DAGLB: variants seen among roughly 807,000 people sequenced by gnomAD.
The protein encoded by DAGLB is diacylglycerol lipase beta.
DAGLB carries 66 observed loss-of-function variants against 72.1 expected under a neutral mutation model. That is an observed-to-expected ratio of 0.92 (90% confidence interval 0.75 to 1.12). The LOEUF is 1.12. DAGLB is among the 50% of genes most tolerant of loss of function. The pLI is 0.00. For missense variants in DAGLB, 1,065 were observed against 884.9 expected (o/e 1.20, Z -2.58); for synonymous variants, 414 against 359.5 (o/e 1.15, Z -1.71).
At chr7:6,413,340 T>C (rs895716242) in intron 11 of DAGLB, among the ~76,000 whole-genome samples, 2 of 152,132 alleles carry the variant, frequency 1.3e-5, no homozygotes, top group African/African-American at 4.8e-5. Context: ...CCATCAAAGA[T>C]GCACTGGAGG....
intron 9 of DAGLB, among the ~76,000 whole-genome samples, chr7:6,420,953 C>G (rs1176457762): frequency 3.3e-5 from 5 of 152,216 alleles, no homozygotes; most frequent in Admixed American, 3.3e-4. Context: ...GGTGCGCACT[C>G]TCTGCTGCTC....
Position 6,409,977 on chromosome 7 carries a change from T to A in DAGLB, c.1879A>T (p.Ser627Cys), listed in dbSNP as rs199735881. Residue 627 changes from serine (S) to cysteine (C), a missense_variant, in exon 15 of 15, where the codon AGC becomes TGC. Coordinates refer to ENST00000297056, the MANE Select transcript of DAGLB (RefSeq NM_139179.4). ...ATCTTCGGACCTATGAGTATTTTGC[T>A]GAATTCCGCTTCGTGTGACCACTTG... ...SAKWSHEAEF[S>C]KILIGPKMLT... 9.3e-6 allele frequency: 15 copies of A among 1,614,032 alleles called. No individual in the cohort carries two copies. In the Admixed American group the frequency reaches 2.5e-4, roughly 27 times the overall value.
chr7:6,432,282 G>T (rs1026786733), intron 5 of DAGLB, among the ~76,000 whole-genome samples: 1 of 151,772 alleles, frequency 6.6e-6, no homozygotes, highest in Non-Finnish European at 1.5e-5. Context: ...GGAGGTGGAA[G>T]TTGTGGTGAG....
In DAGLB at chr7:6,447,893, C is replaced by G. The variant is rs761078365; in HGVS notation, c.-51G>C. ...AGGAGAGACCCCGCGCGCCGTTCAC[C>G]GAGAACAAACCAGCACCCTCCGGAC... On this transcript the variant is annotated 5_prime_UTR_variant, in exon 1 of 15. Coordinates refer to ENST00000297056, the MANE Select transcript of DAGLB (RefSeq NM_139179.4). The G allele has an allele frequency of 4.5e-6, 7 of 1,550,394 alleles. No homozygotes were observed. In the East Asian group the frequency reaches 7.0e-5, roughly 16 times the overall value.
intron 5 of DAGLB, among the ~76,000 whole-genome samples, chr7:6,432,563 G>A (rs1238455553): frequency 6.6e-6 from 1 of 151,768 alleles, no homozygotes; most frequent in African/African-American, 2.4e-5. Flanking sequence ...AGGAGGCTGG[G>A]GCAGGAGAAT....
intron 9 of DAGLB, among the ~76,000 whole-genome samples, chr7:6,418,822 G>T (rs1157343592): frequency 4.0e-5 from 6 of 151,248 alleles, no homozygotes. Context: ...CCGCCACCAC[G>T]CCCGGCTAAT....
rs754155782 is a variant in DAGLB at position 6,421,803 on chromosome 7, T to C, written c.1142A>G (p.Asp381Gly). 2.7e-5 allele frequency: 43 copies of C among 1,612,792 alleles called. No individual in the cohort carries two copies. Among genetic ancestry groups the C allele is most frequent in the Non-Finnish European group, 3.6e-5 (42 of 1,179,438 alleles). Residue 381 changes from aspartate (D) to glycine (G), a missense_variant and splice_region_variant, in exon 9 of 15, where the codon GAT (aspartate) becomes GGT (glycine). Coordinates refer to ENST00000297056, the MANE Select transcript of DAGLB (RefSeq NM_139179.4). ...CTCCGCTGACAGGTCCGTAAGGACATCCTGTAAAAAGGGCGTTGCAGAAGC... is the reference window on the plus strand; with the variant it reads ...CTCCGCTGACAGGTCCGTAAGGACACCCTGTAAAAAGGGCGTTGCAGAAGC... ...VAVRGTMSLQ[D>G]VLTDLSAESE... is the part of the protein sequence containing the mutation.
At chr7:6,425,218 A>C (rs1156510287) in intron 7 of DAGLB, among the ~76,000 whole-genome samples, 2 of 152,144 alleles carry the variant, frequency 1.3e-5, no homozygotes, top group East Asian at 3.9e-4. Flanking sequence ...TGCCTATGAG[A>C]ATCACCTGGA....
intron 1 of DAGLB, 115 bp downstream of exon 1, chr7:6,447,633 A>T (rs1169531094): frequency 7.2e-7 from 1 of 1,394,610 alleles, no homozygotes; most frequent in Non-Finnish European, 9.5e-7. Flanking sequence ...ATGCGTGGCC[A>T]GCGCTGGGAC....
intron 13 of DAGLB, among the ~76,000 whole-genome samples, chr7:6,411,033 C>T (rs918530375): frequency 5.3e-5 from 8 of 152,010 alleles, no homozygotes; most frequent in South Asian, 4.2e-4. Context: ...TACAGGCACC[C>T]GCCACCGCAC....
chr7:6,437,161 TAATAATAATAA>T (rs1266059521), intron 2 of DAGLB, among the ~76,000 whole-genome samples: 1 of 120,336 alleles, frequency 8.3e-6, no homozygotes, highest in Non-Finnish European at 1.7e-5. Context: ...CTCAAAATAA[TAATAATAATAA>T]TAATAATAAT....
At chr7:6,436,275 G>A in intron 3 of DAGLB, 87 bp downstream of exon 3, 3 of 1,476,162 alleles carry the variant, frequency 2.0e-6, no homozygotes, top group Non-Finnish European at 1.8e-6. Context: ...AAGTCCGAGG[G>A]ACGCTGGACT....
Position 6,436,506 on chromosome 7 carries a change from T to C in DAGLB, c.275A>G (p.Lys92Arg), listed in dbSNP as rs565386834. The C allele has an allele frequency of 4.3e-6, 7 of 1,614,120 alleles. No homozygotes were observed. The African/African-American group carries it at 9.3e-5, about 22-fold the overall frequency. The change falls in exon 3 of 15, where the codon AAG becomes AGG. Residue 92 changes from lysine (K) to arginine (R), a missense_variant. Transcript: ENST00000297056. The part of the protein sequence containing the change: ...RGTICNPGPR[K>R]SMSKLLYIRL... ...GATGTAAAGCAGCTTAGACATAGACTTCCGCGGTCCAGGGTTACAAATCGT... is the reference window on the plus strand; with the variant it reads ...GATGTAAAGCAGCTTAGACATAGACCTCCGCGGTCCAGGGTTACAAATCGT...
Position 6,421,306 on chromosome 7 carries a change from A to C in DAGLB, c.1218+421T>G, listed in dbSNP as rs1231498088. ...ACAGCCTCCCAGGGCTGCTGTGAGA[A>C]TCAGGCAGCGCGGGAGGCGCAGGCA... On this transcript the variant is annotated intron_variant, in intron 9 of 14. Transcript: ENST00000297056. 6.2e-5 allele frequency among the ~76,000 whole-genome samples: 6 copies of C among 97,544 alleles called. 3 individuals carry two copies. The highest frequency in any genetic ancestry group is 1.4e-3 in the East Asian group (2 of 1,406). The allele number at this position is 97,544 out of a possible 152,430, so 64.0% of individuals were successfully genotyped here. A position where few individuals can be genotyped will look rare whatever the true frequency, so the allele number is the denominator to read the frequency against.
intron 6 of DAGLB, among the ~76,000 whole-genome samples, chr7:6,426,953 C>G (rs1189174577): frequency 6.6e-6 from 1 of 152,054 alleles, no homozygotes; most frequent in Non-Finnish European, 1.5e-5. Context: ...ACTAAAAATA[C>G]AAAACTCAGC....
At chr7:6,436,171 A>T (rs924025487) in intron 3 of DAGLB, among the ~76,000 whole-genome samples, 191 bp downstream of exon 3, 2 of 152,218 alleles carry the variant, frequency 1.3e-5, no homozygotes, top group Non-Finnish European at 2.9e-5. Context: ...CAATACGTGC[A>T]TAACGAAAGA....
At chr7:6,416,593 A>C (rs370972752) in intron 11 of DAGLB, 34 bp downstream of exon 11, 1 of 1,560,836 alleles carries the variant, frequency 6.4e-7, no homozygotes, top group Non-Finnish European at 8.6e-7. Context: ...ACTTGTAAGT[A>C]GCAAGCTGTT....
chr7:6,436,462 G>GA lies in DAGLB; in HGVS notation c.318dup (p.Pro107SerfsTer50), dbSNP rs1562487655. The GA allele has an allele frequency of 6.2e-7, 1 of 1,614,002 alleles. No homozygotes were observed. Among genetic ancestry groups the GA allele is most frequent in the East Asian group, 2.2e-5 (1 of 44,874 alleles). The stretch of plus-strand genomic sequence containing the variant: ...CCCAGAGAGGCCCAGACCATCTCTG[G>GA]AAAAAACAGCGCCAGGCGGATGTAA... On this transcript the variant is annotated frameshift_variant, in exon 3 of 15. Transcript: ENST00000297056. LOFTEE classifies it high-confidence loss of function.
At chr7:6,410,483 C>T in intron 13 of DAGLB, 103 bp from the exon 14 acceptor site, 2 of 1,476,694 alleles carry the variant, frequency 1.4e-6, no homozygotes, top group South Asian at 2.7e-5. Context: ...TGCCCTTTGA[C>T]CCAGAAACCC....
Sources: gnomAD v4.1 joint callset for allele counts (sites outside exome capture counted in the v4.1 genomes callset) on GRCh38, gnomAD v4.1.1 for gene constraint, MANE v1.5 for transcripts, NCBI Gene and HGNC (gene_info 2026-07-23, HGNC 2026-07-21) for gene names.